The following COG3 variants were observed in gnomAD, a reference collection of about 807,000 sequenced individuals.
COG3 encodes the protein component of oligomeric golgi complex 3.
In COG3, 32 loss-of-function variants were observed where a neutral mutation model predicts 114.1. The observed-to-expected ratio is 0.28, with a 90% confidence interval of 0.21 to 0.38. The LOEUF is 0.38. COG3 is among the 10% of genes least tolerant of loss of function. The pLI, the probability that COG3 is intolerant of heterozygous loss-of-function variation, is 1.00. For synonymous variants in COG3, 352 were observed against 365.7 expected, an observed-to-expected ratio of 0.96 and a Z score of 0.43; for missense variants, 813 against 973.2, an observed-to-expected ratio of 0.84 and a Z score of 2.19.
At chr13:45,515,682 A>G (rs1871466077) in intron 16 of COG3, among the ~76,000 whole-genome samples, 1 of 152,208 alleles carries the variant, frequency 6.6e-6, no homozygotes, top group East Asian at 1.9e-4. Flanking sequence ...TATAAATATA[A>G]GTATGTCTGA....
chr13:45,530,209 G>C (rs1283251140), intron 21 of COG3, among the ~76,000 whole-genome samples: 1 of 152,118 alleles, frequency 6.6e-6, no homozygotes. Flanking sequence ...CAGCTCTCAA[G>C]AGAGCAGCAC....
At chr13:45,510,398 A>T (rs150031417) in intron 15 of COG3, among the ~76,000 whole-genome samples, 1 of 152,308 alleles carries the variant, frequency 6.6e-6, no homozygotes, top group Non-Finnish European at 1.5e-5. Context: ...ACAGACTTAG[A>T]TGTCTCAGCC....
At chr13:45,518,631 C>A in intron 17 of COG3, 131 bp from the exon 18 acceptor site, 1 of 645,428 alleles carries the variant, frequency 1.5e-6, no homozygotes, top group Non-Finnish European at 2.8e-6. Context: ...CACTCTCAGC[C>A]TTTCATGGAG....
intron 16 of COG3, among the ~76,000 whole-genome samples, chr13:45,515,072 T>A (rs1170563830): frequency 6.6e-6 from 1 of 152,268 alleles, no homozygotes; most frequent in East Asian, 1.9e-4. Context: ...ATTAACATGA[T>A]ACTATTTGCT....
At chr13:45,516,017 C>T in intron 16 of COG3, 126 bp from the exon 17 acceptor site, 1 of 635,428 alleles carries the variant, frequency 1.6e-6, no homozygotes, top group Non-Finnish European at 2.3e-6. Flanking sequence ...CATTGCACAA[C>T]TAAAGAGAAT....
intron 14 of COG3, among the ~76,000 whole-genome samples, chr13:45,505,524 C>T (rs949219921): frequency 6.6e-6 from 1 of 151,940 alleles, no homozygotes; most frequent in Non-Finnish European, 1.5e-5. Context: ...AGGCTGGTCT[C>T]GAACTCCTGA....
At chr13:45,481,367 G>A (rs944975093) in intron 5 of COG3, 63 bp downstream of exon 5, 18 of 848,886 alleles carry the variant, frequency 2.1e-5, no homozygotes, top group South Asian at 4.6e-5. Flanking sequence ...GCCTTTCTTC[G>A]TGTCATCTTT....
chr13:45,503,428 A>C, intron 14 of COG3, 79 bp downstream of exon 14: 1 of 759,874 alleles, frequency 1.3e-6, no homozygotes, highest in Non-Finnish European at 2.3e-6. Flanking sequence ...CCTGTCCCAG[A>C]CATGAAAAAC....
At chr13:45,465,670 G>A (rs557416241) in intron 1 of COG3, 1 of 154,526 alleles carries the variant, frequency 6.5e-6, no homozygotes, top group South Asian at 2.0e-4. Context: ...CTTTGTCCAT[G>A]GGGGTCTTGG....
intron 20 of COG3, among the ~76,000 whole-genome samples, chr13:45,525,634 G>GTTTTTTTTTTTTTTTTTT (rs59577529): frequency 8.5e-4 from 48 of 56,620 alleles, no homozygotes; most frequent in African/African-American, 1.5e-3. Context: ...AGGGCTTTGG[G>GTTTTTTTTTTTTTTTTTT]TTTTTTTTTT....
chr13:45,517,346 T>A (rs1435058564), intron 17 of COG3, among the ~76,000 whole-genome samples: 100 of 152,306 alleles, frequency 6.6e-4, no homozygotes, highest in Non-Finnish European at 1.3e-3. Flanking sequence ...TGGATTTGAT[T>A]TAACTCACCC....
chr13:45,517,616 G>GT (rs1267994018), intron 17 of COG3, among the ~76,000 whole-genome samples: 4 of 151,904 alleles, frequency 2.6e-5, no homozygotes, highest in Admixed American at 6.6e-5. Flanking sequence ...AGAACACATA[G>GT]TTTTTTTAAA....
chr13:45,481,784 A>T (rs139882355), intron 5 of COG3, among the ~76,000 whole-genome samples: 2 of 152,300 alleles, frequency 1.3e-5, no homozygotes, highest in East Asian at 3.9e-4. Context: ...CTCATAAATT[A>T]ATCATAACTA....
intron 8 of COG3, 62 bp downstream of exon 8, chr13:45,486,637 A>G (rs1183146030): frequency 1.1e-6 from 1 of 948,992 alleles, no homozygotes; most frequent in Non-Finnish European, 1.7e-6. Context: ...CTTTTGAAGT[A>G]CTGTTGTATG....
intron 14 of COG3, among the ~76,000 whole-genome samples, chr13:45,504,399 CTT>C (rs1278634602): frequency 6.6e-6 from 1 of 152,190 alleles, no homozygotes. Context: ...TAGTATACCT[CTT>C]TATGAGCACG....
rs1464495986 is a variant in COG3 at position 45,486,325 on chromosome 13, CGGGAGACGGGAGACGGGAGA to C, written c.844-163_844-144del. Among the ~76,000 whole-genome samples the C allele has an allele frequency of 3.6e-4, 10 of 27,934 alleles. 1 individual carries two copies. Among genetic ancestry groups the C allele is most frequent in the African/African-American group, 1.6e-3 (10 of 6,402 alleles). 18.3% of individuals were successfully genotyped at this position (27,934 alleles called of 152,430 possible). A position where few individuals can be genotyped will look rare whatever the true frequency, so the allele number is the denominator to read the frequency against. On this transcript the variant is annotated intron_variant, in intron 7 of 22. Coordinates refer to ENST00000349995, the MANE Select transcript of COG3 (RefSeq NM_031431.4). ...GAGACGGGAGACGGGAGACGGGAGA[CGGGAGACGGGAGACGGGAGA>C]GGGAGAGGGAGAGGGAGAGGGAGAC...
chr13:45,486,767 G>A (rs1445693553), intron 8 of COG3, among the ~76,000 whole-genome samples, 192 bp downstream of exon 8: 1 of 152,224 alleles, frequency 6.6e-6, no homozygotes, highest in Non-Finnish European at 1.5e-5. Context: ...AGAGCAGGAA[G>A]CATCTAGCTT....
At chr13:45,468,246 C>T (rs1169173994) in intron 1 of COG3, among the ~76,000 whole-genome samples, 1 of 152,122 alleles carries the variant, frequency 6.6e-6, no homozygotes, top group Non-Finnish European at 1.5e-5. Flanking sequence ...TAATTTTCTT[C>T]TTTATAAAAT....
At chr13:45,500,125 G>T (rs1869368320) in intron 13 of COG3, among the ~76,000 whole-genome samples, 1 of 141,588 alleles carries the variant, frequency 7.1e-6, no homozygotes, top group Non-Finnish European at 1.5e-5. Context: ...TAAAAAAGAG[G>T]CCTGATTATT....
Sources: gnomAD v4.1 joint callset for allele counts (sites outside exome capture counted in the v4.1 genomes callset) on GRCh38, gnomAD v4.1.1 for gene constraint, MANE v1.5 for transcripts, NCBI Gene and HGNC (gene_info 2026-07-23, HGNC 2026-07-21) for gene names.